The following ZBED4 variants were observed in gnomAD, a reference collection of about 807,000 sequenced individuals.
The protein encoded by ZBED4 is zinc finger BED-type containing 4, also known as zinc finger BED domain-containing protein 4.
In ZBED4, 4 loss-of-function variants were observed where a neutral mutation model predicts 15.5. That is an observed-to-expected ratio of 0.26 (90% CI 0.13 to 0.59). The LOEUF (loss-of-function observed/expected upper bound fraction) is 0.59. Among genes scored for constraint, ZBED4 ranks in the 20% least tolerant of loss-of-function variants. The probability of loss-of-function intolerance (pLI) is 0.90; values close to 1 mark genes in which losing one functional copy is unlikely to be tolerated. For missense variants in ZBED4, 1,323 were observed against 1,461.8 expected, an observed-to-expected ratio of 0.91 and a Z score of 1.55; for synonymous variants, 692 against 608.5, an observed-to-expected ratio of 1.14 and a Z score of -2.02.
At position 49,883,887 on chromosome 22, in the gene ZBED4, G is replaced by C. The variant is rs769962342; in HGVS notation, c.225G>C (p.Leu75Phe). 3 of 1,607,512 alleles carry C rather than the reference G, an allele frequency of 1.9e-6. No homozygotes were observed. The highest frequency in any genetic ancestry group is 2.6e-6 in the Non-Finnish European group (3 of 1,175,144). The change falls in exon 2 of 2, where the codon TTG (leucine) becomes TTC (phenylalanine). Residue 75 changes from leucine (L) to phenylalanine (F), a missense_variant. Leu to Phe is a conservative substitution (Grantham distance 22, BLOSUM62 0). Around this residue, in one of 6 missense-constraint regions of ZBED4, gnomAD observed 380 missense variants for 413.7 expected, o/e 0.92. Transcript: ENST00000216268. ...GCSCKPPGKY[L>F]SAESEDDYGA... is the part of the protein sequence containing the mutation. The stretch of plus-strand genomic sequence containing the variant: ...GCTGCAAGCCCCCGGGGAAGTACTT[G>C]TCTGCAGAGAGTGAGGATGACTATG...
At chr22:49,860,154 C>T (rs1278728634) in intron 1 of ZBED4, among the ~76,000 whole-genome samples, 1 of 152,098 alleles carries the variant, frequency 6.6e-6, no homozygotes, top group Non-Finnish European at 1.5e-5. Flanking sequence ...CAGAAATCAG[C>T]CGGGCATGAT....
At chr22:49,855,070 C>T (rs1011500793) in intron 1 of ZBED4, among the ~76,000 whole-genome samples, 2 of 152,112 alleles carry the variant, frequency 1.3e-5, no homozygotes, top group African/African-American at 4.8e-5. Context: ...AGTTACTTTG[C>T]AAGAGGAAAG....
chr22:49,856,286 C>T (rs2060274235), intron 1 of ZBED4, among the ~76,000 whole-genome samples: 1 of 152,232 alleles, frequency 6.6e-6, no homozygotes, highest in Non-Finnish European at 1.5e-5. Context: ...AAAGAAGGCC[C>T]TGGCCGTAGG....
At chr22:49,865,841 T>C (rs2060319997) in intron 1 of ZBED4, among the ~76,000 whole-genome samples, 1 of 151,332 alleles carries the variant, frequency 6.6e-6, no homozygotes, top group African/African-American at 2.4e-5. Context: ...TGGCTTAGTA[T>C]AAAATCCTTG....
intron 1 of ZBED4, among the ~76,000 whole-genome samples, chr22:49,855,424 T>A (rs2060271053): frequency 6.6e-6 from 1 of 152,160 alleles, no homozygotes; most frequent in Non-Finnish European, 1.5e-5. Flanking sequence ...CTCTTTAAGG[T>A]TACCTCCTCC....
intron 1 of ZBED4, among the ~76,000 whole-genome samples, chr22:49,881,342 C>T (rs1002430344): frequency 2.0e-5 from 3 of 152,226 alleles, no homozygotes; most frequent in Non-Finnish European, 2.9e-5. Flanking sequence ...CAGAGTGATC[C>T]GTCTCAAAAA....
chr22:49,871,316 G>A (rs551998597), intron 1 of ZBED4, among the ~76,000 whole-genome samples: 22 of 152,018 alleles, frequency 1.4e-4, no homozygotes, highest in African/African-American at 5.1e-4. Flanking sequence ...GTGAAACCCC[G>A]TCACTACTAA....
chr22:49,884,940 C>G lies in ZBED4; in HGVS notation c.1278C>G (p.Ser426=). The change falls in exon 2 of 2, where the codon TCC becomes TCG. Residue 426 remains serine, a synonymous_variant. Coordinates refer to ENST00000216268, the MANE Select transcript of ZBED4 (RefSeq NM_014838.3). Reference sequence around the variant, plus strand: ...ATGACATAGGGGAGGCCTCGGCGTCCTCTCCTGAGAAGCAGCAGGCTGATG... The same window carrying G: ...ATGACATAGGGGAGGCCTCGGCGTCGTCTCCTGAGAAGCAGCAGGCTGATG... The part of the protein sequence containing the change: ...SSDDIGEASA[S]SPEKQQADGL... 6.2e-7 allele frequency: 1 copy of G among 1,608,854 alleles called. No individual in the cohort carries two copies. Among genetic ancestry groups the G allele is most frequent in the Non-Finnish European group, 8.5e-7 (1 of 1,177,154 alleles).
intron 1 of ZBED4, among the ~76,000 whole-genome samples, chr22:49,878,692 T>C (rs753916781): frequency 6.6e-6 from 1 of 152,108 alleles, no homozygotes; most frequent in Non-Finnish European, 1.5e-5. Flanking sequence ...AAAGAACACA[T>C]GAGTGAAGTG....
At chr22:49,865,863 CTTTTTT>C (rs112145673) in intron 1 of ZBED4, among the ~76,000 whole-genome samples, 1 of 139,520 alleles carries the variant, frequency 7.2e-6, no homozygotes, top group South Asian at 2.3e-4. Flanking sequence ...TTCACATTTT[CTTTTTT>C]TTTTTTTTCC....
At position 49,876,343 on chromosome 22, in the gene ZBED4, C is replaced by G. The variant is rs148388620; in HGVS notation, c.-329-6991C>G. On this transcript the variant is annotated intron_variant, in intron 1 of 1. Coordinates refer to ENST00000216268, the MANE Select transcript of ZBED4 (RefSeq NM_014838.3). ...CCGTGTCTTTACTGATTTTTATGTA[C>G]CTGTTGGTTACTTATTGAATAGTTC... Among the ~76,000 whole-genome samples the G allele has an allele frequency of 2.1e-4, 32 of 152,090 alleles. No homozygotes were observed. The East Asian group carries it at 6.2e-3, about 29-fold the overall frequency.
chr22:49,884,169 C>T lies in ZBED4; in HGVS notation c.507C>T (p.Leu169=), dbSNP rs781267128. Residue 169 remains leucine (L), a synonymous_variant, in exon 2 of 2, where the codon CTC becomes CTT. Transcript: ENST00000216268. Reference sequence around the variant, plus strand: ...TGAGGCGCGCACACCCGACCGTGCTCATTCAGGAAAATGGCAGTGTGTCTG... The same window carrying T: ...TGAGGCGCGCACACCCGACCGTGCTTATTCAGGAAAATGGCAGTGTGTCTG... ...RHVRRAHPTV[L]IQENGSVSAV... 22 of 1,612,466 alleles carry T rather than the reference C, an allele frequency of 1.4e-5. No homozygotes were observed. The African/African-American group carries it at 2.0e-4, about 15-fold the overall frequency.
In ZBED4 at chr22:49,886,475, A is replaced by C. The variant is rs753270597; in HGVS notation, c.2813A>C (p.Lys938Thr). Residue 938 changes from lysine (K) to threonine (T), a missense_variant, in exon 2 of 2, where the codon AAG becomes ACG. Around this residue, in one of 6 missense-constraint regions of ZBED4, gnomAD observed 312 missense variants for 410.7 expected, o/e 0.76. Coordinates refer to ENST00000216268, the MANE Select transcript of ZBED4 (RefSeq NM_014838.3). This position sits in a 1 kb window ranked among gnomAD's most constrained non-coding sequence, Gnocchi z 7.7. Reference sequence around the variant, plus strand: ...ATGCAGTCCGTGTGCCGTGCGCTAAAGCCCTTCGAGGCTGCGAGCCGGGAG... The same window carrying C: ...ATGCAGTCCGTGTGCCGTGCGCTAACGCCCTTCGAGGCTGCGAGCCGGGAG... ...EVMQSVCRAL[K>T]PFEAASREMS... 14 of 1,570,052 alleles carry C rather than the reference A, an allele frequency of 8.9e-6. No individual in the cohort carries two copies. Among genetic ancestry groups the C allele is most frequent in the Non-Finnish European group, 9.5e-6 (11 of 1,156,668 alleles).
At chr22:49,865,959 G>A (rs765865540) in intron 1 of ZBED4, among the ~76,000 whole-genome samples, 27 of 148,556 alleles carry the variant, frequency 1.8e-4, no homozygotes, top group Admixed American at 1.1e-3. Flanking sequence ...CAGCCCTCCC[G>A]CCTCCACCTC....
At position 49,872,348 on chromosome 22, in the gene ZBED4, TC is replaced by T. The variant is rs2060352352; in HGVS notation, c.-329-10984del. On this transcript the variant is annotated intron_variant, in intron 1 of 1. Transcript: ENST00000216268. ...AGTTTTATCCTAAGAGTACAGCAAT[TC>T]CGCCGTATCTTTGGGTTCTGTGTAT... is the stretch of plus-strand genomic sequence containing the variant. Among the ~76,000 whole-genome samples, 3 of 152,276 alleles carry T rather than the reference TC, an allele frequency of 2.0e-5. No individual in the cohort carries two copies. The South Asian group carries it at 6.2e-4, about 32-fold the overall frequency.
At chr22:49,853,570 G>A (rs566958603), upstream of ZBED4, among the ~76,000 whole-genome samples, 198 of 152,234 alleles carry the variant, frequency 1.3e-3, no homozygotes, top group Non-Finnish European at 2.2e-3. Context: ...GAGCGCCTAA[G>A]CCCTTCCCGT....
intron 1 of ZBED4, among the ~76,000 whole-genome samples, chr22:49,862,307 C>T (rs2060300799): frequency 6.6e-6 from 1 of 152,216 alleles, no homozygotes; most frequent in South Asian, 2.1e-4. Flanking sequence ...GGAGGCCTTA[C>T]TTTTTTGCTG....
intron 1 of ZBED4, among the ~76,000 whole-genome samples, chr22:49,873,662 A>T (rs1169429187): frequency 6.7e-6 from 1 of 150,260 alleles, no homozygotes; most frequent in Non-Finnish European, 1.5e-5. Context: ...GTATCTGCAA[A>T]GAGCAGTAAA....
intron 1 of ZBED4, among the ~76,000 whole-genome samples, chr22:49,863,589 C>T (rs1009088033): frequency 4.0e-5 from 6 of 150,922 alleles, no homozygotes; most frequent in East Asian, 3.9e-4. Context: ...ATCGCGCCAC[C>T]GCACTCCAGC....
Sources: gnomAD v4.1 joint callset for allele counts (sites outside exome capture counted in the v4.1 genomes callset) on GRCh38, gnomAD v4.1.1 for gene constraint, gnomAD v4.1.1 regional missense constraint, Gnocchi (gnomAD v3.1) non-coding constraint, MANE v1.5 for transcripts, NCBI Gene and HGNC (gene_info 2026-07-23, HGNC 2026-07-21) for gene names.